PRSS12: variants seen among roughly 807,000 people sequenced by gnomAD.
The protein encoded by PRSS12 is neurotrypsin.
PRSS12 carries 85 observed loss-of-function variants against 104.4 expected under a neutral mutation model. The observed-to-expected ratio is 0.81, with a 90% CI of 0.68 to 0.98. The LOEUF is 0.98. PRSS12 is among the 50% of genes least tolerant of loss of function. The probability of loss-of-function intolerance (pLI) is 0.00; values close to 1 mark genes in which losing one functional copy is unlikely to be tolerated. For missense variants in PRSS12, 1,141 were observed against 1,139.2 expected, an observed-to-expected ratio of 1.00 and a Z score of -0.02; for synonymous variants, 454 against 425.2, an observed-to-expected ratio of 1.07 and a Z score of -0.83.
chr4:118,292,158 G>A (rs1743143688), intron 11 of PRSS12, among the ~76,000 whole-genome samples: 1 of 151,522 alleles, frequency 6.6e-6, no homozygotes, highest in Non-Finnish European at 1.5e-5. Flanking sequence ...CATATTACTT[G>A]TCCCTCCCCT....
chr4:118,347,824 G>A (rs752854322), intron 1 of PRSS12, among the ~76,000 whole-genome samples: 3 of 152,200 alleles, frequency 2.0e-5, no homozygotes, highest in Non-Finnish European at 4.4e-5. Context: ...AAAGTGCTGC[G>A]ATTTCAGGCA....
At position 118,290,218 on chromosome 4, in the gene PRSS12, T is replaced by C. The variant is rs10003730; in HGVS notation, c.2039+4721A>G. 6.2e-3 allele frequency among the ~76,000 whole-genome samples: 940 copies of C among 151,666 alleles called. 9 individuals are homozygous for C. Among genetic ancestry groups the C allele is most frequent in the African/African-American group, 0.021 (879 of 41,338 alleles). ...AAATAATGACATGTAAACAAATAAA[T>C]CCAAAAATAACAACAACAAAAAAAA... On this transcript the variant is annotated intron_variant, in intron 11 of 12. Transcript: ENST00000296498.
chr4:118,315,177 G>A (rs991110566), intron 6 of PRSS12, among the ~76,000 whole-genome samples: 4 of 151,946 alleles, frequency 2.6e-5, no homozygotes, highest in Non-Finnish European at 4.4e-5. Flanking sequence ...AAAATTCTGT[G>A]GATATTGTTT....
At chr4:118,334,077 G>A (rs960233698) in intron 3 of PRSS12, among the ~76,000 whole-genome samples, 1 of 152,106 alleles carries the variant, frequency 6.6e-6, no homozygotes, top group Non-Finnish European at 1.5e-5. Context: ...GTATACTAAA[G>A]ATCTATCACT....
In PRSS12 at chr4:118,352,310, A is replaced by G. The variant is rs764377386; in HGVS notation, c.411T>C (p.Phe137=). Residue 137 remains phenylalanine (F), a synonymous_variant, in exon 1 of 13, where the codon TTT becomes TTC. Coordinates refer to ENST00000296498, the MANE Select transcript of PRSS12 (RefSeq NM_003619.4). ...WAQLRGQRHN[F]CRSPDGAGRP... ...TGCCCGCGCCGTCGGGGCTCCGACA[A>G]AAGTTGTGGCGCTGTCCTCGCAGCT... The G allele has an allele frequency of 6.9e-5, 110 of 1,599,286 alleles. No individual in the cohort carries two copies. Among genetic ancestry groups the G allele is most frequent in the African/African-American group, 1.9e-4 (14 of 74,784 alleles).
At chr4:118,318,953 T>G (rs763877347) in intron 4 of PRSS12, among the ~76,000 whole-genome samples, 3 of 152,202 alleles carry the variant, frequency 2.0e-5, no homozygotes, top group Non-Finnish European at 2.9e-5. Context: ...TTATAGTGCA[T>G]TAAGCACCTT....
chr4:118,318,304 G>A, intron 5 of PRSS12, 74 bp downstream of exon 5: 1 of 1,411,280 alleles, frequency 7.1e-7, no homozygotes, highest in Non-Finnish European at 9.8e-7. Flanking sequence ...TGAAATTAAG[G>A]AGAAGGGAAG....
At chr4:118,310,554 C>G (rs1294444359) in intron 7 of PRSS12, among the ~76,000 whole-genome samples, 2 of 152,112 alleles carry the variant, frequency 1.3e-5, no homozygotes, top group African/African-American at 4.8e-5. Context: ...TAATACATAG[C>G]ATGTTTTATT....
Position 118,281,409 on chromosome 4 carries a change from A to C in PRSS12, c.*527T>G. ...GGCTTTACTACTCCTATTCAGGCCT[A>C]AAAGTTTATAGTGGAATTCTTTAAC... is the stretch of plus-strand genomic sequence containing the variant. On this transcript the variant is annotated 3_prime_UTR_variant, in exon 13 of 13. Transcript: ENST00000296498. 5.9e-6 allele frequency: 1 copy of C among 168,750 alleles called. No homozygotes were observed. Among genetic ancestry groups the C allele is most frequent in the Non-Finnish European group, 1.3e-5 (1 of 76,440 alleles). The allele number at this position is 168,750 out of a possible 1,614,324, so 10.5% of individuals were successfully genotyped here.
intron 8 of PRSS12, chr4:118,303,422 C>T (rs1214478838): frequency 6.6e-6 from 1 of 152,020 alleles, no homozygotes; most frequent in South Asian, 2.1e-4. Context: ...TTAGATATAT[C>T]AATAAGTAGA....
At chr4:118,345,078 G>A (rs1233420996) in intron 1 of PRSS12, among the ~76,000 whole-genome samples, 1 of 152,148 alleles carries the variant, frequency 6.6e-6, no homozygotes, top group East Asian at 1.9e-4. Context: ...TCAACCAGAG[G>A]ACAAAGGTGA....
At chr4:118,313,098 C>T (rs1743795695) in intron 7 of PRSS12, 103 bp downstream of exon 7, 1 of 1,406,462 alleles carries the variant, frequency 7.1e-7, no homozygotes, top group African/African-American at 1.4e-5. Flanking sequence ...AAATAGACCC[C>T]AAAAAAAGCC....
chr4:118,335,941 A>G (rs1724054016), intron 2 of PRSS12, among the ~76,000 whole-genome samples: 2 of 152,204 alleles, frequency 1.3e-5, no homozygotes, highest in Non-Finnish European at 2.9e-5. Flanking sequence ...TACTGCAGAC[A>G]TAAAAAGTAA....
chr4:118,346,795 C>A (rs1050891905), intron 1 of PRSS12, among the ~76,000 whole-genome samples: 1 of 152,150 alleles, frequency 6.6e-6, no homozygotes, highest in African/African-American at 2.4e-5. Flanking sequence ...AACTCCATTG[C>A]GAACTGTGCA....
chr4:118,338,607 G>T (rs1724119911), intron 1 of PRSS12, among the ~76,000 whole-genome samples: 1 of 151,988 alleles, frequency 6.6e-6, no homozygotes, highest in African/African-American at 2.4e-5. Flanking sequence ...TCCTCATCAA[G>T]AAGCAACCAC....
intron 1 of PRSS12, among the ~76,000 whole-genome samples, chr4:118,340,649 G>C (rs1348395547): frequency 2.0e-5 from 3 of 152,198 alleles, no homozygotes; most frequent in African/African-American, 7.2e-5. Flanking sequence ...TATTGTAGGA[G>C]CCAAGAGCAC....
In PRSS12 at chr4:118,352,858, C is replaced by CGCCTCCCCAACCTT. The variant is rs1724562480; in HGVS notation, c.-152_-139dup. On this transcript the variant is annotated 5_prime_UTR_variant, in exon 1 of 13. Coordinates refer to ENST00000296498, the MANE Select transcript of PRSS12 (RefSeq NM_003619.4). Reference sequence around the variant, plus strand: ...CCCGCCCCCGCACGCGGACCGCCCTCGCCTCCCCAACCTTGCCTCCCGCCG... The same window carrying CGCCTCCCCAACCTT: ...CCCGCCCCCGCACGCGGACCGCCCTCGCCTCCCCAACCTTGCCTCCCCAACCTTGCCTCCCGCCG... The CGCCTCCCCAACCTT allele has an allele frequency of 6.8e-7, 1 of 1,471,608 alleles. No homozygotes were observed. Among genetic ancestry groups the CGCCTCCCCAACCTT allele is most frequent in the Non-Finnish European group, 9.0e-7 (1 of 1,111,926 alleles). 91.2% of individuals were successfully genotyped at this position (1,471,608 alleles called of 1,614,324 possible). A position where few individuals can be genotyped will look rare whatever the true frequency, so the allele number is the denominator to read the frequency against.
chr4:118,338,360 T>C lies in PRSS12; in HGVS notation c.503-46A>G, dbSNP rs749717397. ...AAAACCCTTTAATAGTAAATAATCA[T>C]TTGAACATATTGAGCCAGTCCTGGG... On this transcript the variant is annotated intron_variant, in intron 1 of 12. Coordinates refer to ENST00000296498, the MANE Select transcript of PRSS12 (RefSeq NM_003619.4). 3.4e-5 allele frequency: 55 copies of C among 1,608,240 alleles called. No individual in the cohort carries two copies. In the Middle Eastern group the frequency reaches 4.9e-4, roughly 14 times the overall value.
Position 118,338,216 on chromosome 4 carries a change from C to T in PRSS12, c.601G>A (p.Asp201Asn), listed in dbSNP as rs1285963038. 2 of 1,614,094 alleles carry T rather than the reference C, an allele frequency of 1.2e-6. No homozygotes were observed. Among genetic ancestry groups the T allele is most frequent in the East Asian group, 2.2e-5 (1 of 44,874 alleles). Residue 201 changes from aspartate (D) to asparagine (N), a missense_variant, in exon 2 of 13, where the codon GAT (aspartate) becomes AAT (asparagine). Transcript: ENST00000296498. ...WGTVCSSHWDDSDASVICHQL... is the reference protein window; with the variant it reads ...WGTVCSSHWDNSDASVICHQL... The stretch of plus-strand genomic sequence containing the variant: ...TGACAAATGACTGATGCATCAGAAT[C>T]ATCCCAGTGGCTGCTACAGACAGTG...
Sources: gnomAD v4.1 joint callset for allele counts (sites outside exome capture counted in the v4.1 genomes callset) on GRCh38, gnomAD v4.1.1 for gene constraint, MANE v1.5 for transcripts, NCBI Gene and HGNC (gene_info 2026-07-23, HGNC 2026-07-21) for gene names.